The following DIP2C variants were observed in gnomAD, a reference collection of about 807,000 sequenced individuals.
DIP2C encodes the protein DIP2 acetate--CoA ligase C (putative).
In DIP2C, 33 loss-of-function variants were observed where a neutral mutation model predicts 192.4. That is an observed-to-expected ratio of 0.17 (90% CI 0.13 to 0.23). DIP2C has a LOEUF of 0.23. Among genes scored for constraint, DIP2C ranks in the 10% least tolerant of loss-of-function variants. The pLI is 1.00. For synonymous variants in DIP2C, 979 were observed against 864.1 expected (o/e 1.13, Z -2.33); for missense variants, 1,537 against 2,110.1 (o/e 0.73, Z 5.32).
chr10:372,670 A>G (rs1417652050), intron 17 of DIP2C, among the ~76,000 whole-genome samples: 2 of 149,632 alleles, frequency 1.3e-5, no homozygotes, highest in African/African-American at 5.1e-5. Context: ...ACAGCCAGGC[A>G]CAGAAGCGCA....
intron 1 of DIP2C, among the ~76,000 whole-genome samples, chr10:569,978 T>G (rs969912318): frequency 2.0e-5 from 3 of 152,184 alleles, no homozygotes; most frequent in Non-Finnish European, 1.5e-5. Flanking sequence ...CCCCATGTTT[T>G]AGGGTCCTAT....
At chr10:344,961 G>A (rs1411791458) in intron 27 of DIP2C, 38 bp downstream of exon 27, 3 of 1,605,760 alleles carry the variant, frequency 1.9e-6, no homozygotes, top group Admixed American at 1.7e-5. Context: ...CCTGAGCAAG[G>A]CCGTGAGCAA....
chr10:329,842 C>T (rs1250083766), intron 29 of DIP2C, among the ~76,000 whole-genome samples: 2 of 152,164 alleles, frequency 1.3e-5, no homozygotes, highest in African/African-American at 2.4e-5. Context: ...TTTGAACACA[C>T]ATTTAAGACT....
chr10:567,166 C>T (rs1849508844), intron 1 of DIP2C, among the ~76,000 whole-genome samples: 1 of 150,304 alleles, frequency 6.7e-6, no homozygotes, highest in African/African-American at 2.5e-5. Context: ...GGAGGACAGG[C>T]ACCGGTTTTG....
intron 8 of DIP2C, among the ~76,000 whole-genome samples, chr10:412,647 A>G (rs1478518027): frequency 6.6e-6 from 1 of 152,310 alleles, no homozygotes; most frequent in East Asian, 1.9e-4. Flanking sequence ...CCTGAGATGC[A>G]CAGGTTGACA....
intron 4 of DIP2C, among the ~76,000 whole-genome samples, chr10:428,215 CTA>C (rs1042991429): frequency 5.3e-5 from 8 of 152,076 alleles, no homozygotes; most frequent in African/African-American, 1.4e-4. Flanking sequence ...ATAAAGTGTT[CTA>C]TGATTTTATA....
At chr10:463,535 A>G (rs530784421) in intron 3 of DIP2C, among the ~76,000 whole-genome samples, 43 of 152,358 alleles carry the variant, frequency 2.8e-4, no homozygotes, top group Admixed American at 1.6e-3. Flanking sequence ...GCTCATGGAT[A>G]GGAAGAATAT....
At chr10:631,813 G>C (rs988254192) in intron 1 of DIP2C, among the ~76,000 whole-genome samples, 1 of 152,140 alleles carries the variant, frequency 6.6e-6, no homozygotes, top group Non-Finnish European at 1.5e-5. Flanking sequence ...TGATATACAA[G>C]CATGAAGTTT....
chr10:430,527 G>C (rs1341666022), intron 4 of DIP2C: 1 of 152,154 alleles, frequency 6.6e-6, no homozygotes, highest in Non-Finnish European at 1.5e-5. Context: ...TAATCAGATT[G>C]ATTGTTTTGT....
intron 6 of DIP2C, among the ~76,000 whole-genome samples, chr10:416,903 C>T (rs922663110): frequency 5.3e-5 from 8 of 152,178 alleles, no homozygotes; most frequent in Non-Finnish European, 8.8e-5. Flanking sequence ...AGCCCTTGTT[C>T]GCCCCCGCAC....
chr10:507,029 T>A (rs933769519), intron 1 of DIP2C, among the ~76,000 whole-genome samples: 3 of 149,862 alleles, frequency 2.0e-5, no homozygotes, highest in African/African-American at 7.4e-5. Context: ...AGGTGTGAGG[T>A]CACGGACCCG....
intron 31 of DIP2C, among the ~76,000 whole-genome samples, chr10:319,965 A>G (rs1280593932): frequency 6.6e-6 from 1 of 152,214 alleles, no homozygotes; most frequent in Admixed American, 6.5e-5. Flanking sequence ...TGACTAAAGA[A>G]TGTATTTTTC....
At chr10:496,622 A>G (rs1270246587) in intron 1 of DIP2C, among the ~76,000 whole-genome samples, 1 of 145,750 alleles carries the variant, frequency 6.9e-6, no homozygotes, top group Non-Finnish European at 1.5e-5. Flanking sequence ...AATACCCCAA[A>G]CAACATGAGT....
intron 5 of DIP2C, among the ~76,000 whole-genome samples, chr10:420,783 GCT>G (rs1167868268): frequency 6.6e-6 from 1 of 152,314 alleles, no homozygotes; most frequent in African/African-American, 2.4e-5. Context: ...AGCGTGGCCA[GCT>G]CTGAGAGACT....
chr10:439,557 C>CA (rs566176879), intron 4 of DIP2C, among the ~76,000 whole-genome samples: 145 of 152,282 alleles, frequency 9.5e-4, no homozygotes, highest in South Asian at 3.9e-3. Context: ...GTCACGGCTG[C>CA]AGTGAGCCAA....
intron 6 of DIP2C, among the ~76,000 whole-genome samples, chr10:416,193 T>A (rs11594780): frequency 6.6e-6 from 1 of 151,796 alleles, no homozygotes; most frequent in African/African-American, 2.4e-5. Flanking sequence ...CAGGACAGAA[T>A]TGTCACCTGC....
chr10:447,924 T>TA, intron 3 of DIP2C, among the ~76,000 whole-genome samples: 1 of 97,158 alleles, frequency 1.0e-5, no homozygotes, highest in East Asian at 3.1e-4. Flanking sequence ...CATCCCTGTC[T>TA]ATACTCAGGA....
Position 384,099 on chromosome 10 carries a change from C to T in DIP2C, c.1804G>A (p.Ala602Thr), listed in dbSNP as rs750419309. ...TTGATGTCTCTCTGATCTCTGTGTG[C>T]TACTAATGCCCAATGCATATCCCTC... ...KSRDMHWALV[A>T]HRDQRDINLS... is the part of the protein sequence containing the mutation. The change falls in exon 16 of 37, where the codon GCA becomes ACA. Residue 602 changes from alanine to threonine, a missense_variant. Physicochemically the swap from Ala to Thr is moderately conservative, Grantham distance 58. Transcript: ENST00000280886. 1 of 1,611,388 alleles carries T rather than the reference C, an allele frequency of 6.2e-7. No individual in the cohort carries two copies. The highest frequency in any genetic ancestry group is 8.5e-7 in the Non-Finnish European group (1 of 1,179,444).
At chr10:544,849 T>G (rs1368957101) in intron 1 of DIP2C, among the ~76,000 whole-genome samples, 1 of 152,252 alleles carries the variant, frequency 6.6e-6, no homozygotes, top group Non-Finnish European at 1.5e-5. Flanking sequence ...TAATGTGTCT[T>G]GTTCTGTGGG....
Sources: gnomAD v4.1 joint callset for allele counts (sites outside exome capture counted in the v4.1 genomes callset) on GRCh38, gnomAD v4.1.1 for gene constraint, MANE v1.5 for transcripts, NCBI Gene and HGNC (gene_info 2026-07-23, HGNC 2026-07-21) for gene names.